Variants in GRK5 observed in about 807,000 individuals in gnomAD.
GRK5 encodes the protein G protein-coupled receptor kinase 5.
A neutral mutation model predicts 78.4 loss-of-function variants in GRK5; 40 were observed. That is an observed-to-expected ratio of 0.51 (90% CI 0.40 to 0.66). The LOEUF (loss-of-function observed/expected upper bound fraction) is 0.66. Ranked by LOEUF, GRK5 falls within the 30% of genes least tolerant of loss-of-function variation. The pLI, the probability that GRK5 is intolerant of heterozygous loss-of-function variation, is 0.00. For synonymous variants in GRK5, 289 were observed against 296.8 expected (o/e 0.97, Z 0.27); for missense variants, 598 against 759.9 (o/e 0.79, Z 2.50).
intron 12 of GRK5, among the ~76,000 whole-genome samples, chr10:119,447,074 TGGGGCACTGGGAGTGCAGGTCAGGGGCC>T (rs1490399200): frequency 1.3e-5 from 2 of 152,184 alleles, no homozygotes; most frequent in Non-Finnish European, 2.9e-5. Context: ...ATCACGAGGC[TGGGGCACTGGGAGTGCAGGTCAGGGGCC>T]GGGGCCCTGT....
chr10:119,395,365 T>G (rs185641724), intron 3 of GRK5, among the ~76,000 whole-genome samples: 242 of 152,304 alleles, frequency 1.6e-3, no homozygotes, highest in African/African-American at 5.5e-3. Context: ...CGTGCTCCCT[T>G]TGGCTGGCCT....
chr10:119,390,745 A>G (rs551950841), intron 3 of GRK5, among the ~76,000 whole-genome samples: 13 of 152,300 alleles, frequency 8.5e-5, no homozygotes, highest in Middle Eastern at 6.8e-3. Flanking sequence ...CTTATTCACT[A>G]TCCCGAGAAC....
At position 119,217,222 on chromosome 10, in the gene GRK5, T is replaced by C. The variant is rs1269659794; in HGVS notation, c.52+9253T>C. Among the ~76,000 whole-genome samples the C allele has an allele frequency of 6.6e-6, 1 of 152,126 alleles. No homozygotes were observed. The highest frequency in any genetic ancestry group is 2.4e-5 in the African/African-American group (1 of 41,432). On this transcript the variant is annotated intron_variant, in intron 1 of 15. Coordinates refer to ENST00000392870, the MANE Select transcript of GRK5 (RefSeq NM_005308.3). The surrounding 1 kb of genome is among the most constrained non-coding windows in gnomAD (Gnocchi z 4.1). ...CCTGGGAAAAGGGGCAAATTGGGAA[T>C]ATAATTTCTGTCTCAGACCGTGATT...
chr10:119,421,911 G>A (rs1852577239), intron 4 of GRK5, among the ~76,000 whole-genome samples: 1 of 152,210 alleles, frequency 6.6e-6, no homozygotes, highest in Non-Finnish European at 1.5e-5. Context: ...ATTCACCAAG[G>A]ACAGGCCAGC....
At chr10:119,394,374 GTC>G (rs1851977324) in intron 3 of GRK5, among the ~76,000 whole-genome samples, 3 of 14,622 alleles carry the variant, frequency 2.1e-4, no homozygotes, top group Non-Finnish European at 4.7e-4. Context: ...GTGTGTGGGT[GTC>G]GGTGTGTGTA....
At chr10:119,364,290 T>C (rs906349126) in intron 2 of GRK5, among the ~76,000 whole-genome samples, 2 of 152,134 alleles carry the variant, frequency 1.3e-5, no homozygotes, top group African/African-American at 4.8e-5. Context: ...GGGGTTCCCT[T>C]GGGGGTGGAG....
At chr10:119,248,944 T>A (rs1414934634) in intron 1 of GRK5, among the ~76,000 whole-genome samples, 2 of 152,130 alleles carry the variant, frequency 1.3e-5, no homozygotes, top group Non-Finnish European at 1.5e-5. Flanking sequence ...AAGTTACTAA[T>A]CTCTCCATGT....
intron 10 of GRK5, among the ~76,000 whole-genome samples, chr10:119,441,243 G>A (rs1853028610): frequency 2.0e-5 from 3 of 152,344 alleles, no homozygotes; most frequent in East Asian, 1.9e-4. Flanking sequence ...GAGTCCACAC[G>A]GCTCCAGCCT....
chr10:119,322,541 A>G (rs1158923194), intron 1 of GRK5, among the ~76,000 whole-genome samples: 1 of 152,228 alleles, frequency 6.6e-6, no homozygotes, highest in Non-Finnish European at 1.5e-5. Flanking sequence ...TGCTCAACAC[A>G]TATTGGTTGA....
chr10:119,436,931 T>C, intron 9 of GRK5, 90 bp downstream of exon 9: 1 of 1,228,790 alleles, frequency 8.1e-7, no homozygotes, highest in Non-Finnish European at 1.1e-6. Context: ...TTGCCATCGC[T>C]CTGGGAATCA....
intron 2 of GRK5, among the ~76,000 whole-genome samples, chr10:119,344,286 C>T (rs1851037180): frequency 1.3e-5 from 2 of 151,944 alleles, no homozygotes; most frequent in South Asian, 2.1e-4. Context: ...CCCATTAACT[C>T]GTCATTTACA....
chr10:119,218,342 A>C (rs1018762300), intron 1 of GRK5, among the ~76,000 whole-genome samples: 2 of 152,180 alleles, frequency 1.3e-5, no homozygotes, highest in Non-Finnish European at 2.9e-5. Context: ...AGGAGATAGA[A>C]TTACCCAACT....
At chr10:119,219,705 A>T (rs1292741452) in intron 1 of GRK5, among the ~76,000 whole-genome samples, 1 of 151,280 alleles carries the variant, frequency 6.6e-6, no homozygotes, top group Non-Finnish European at 1.5e-5. Context: ...TGTTTGGCAA[A>T]CTCCCCCTCC....
chr10:119,446,472 C>A (rs1408262631), intron 12 of GRK5, among the ~76,000 whole-genome samples: 1 of 149,986 alleles, frequency 6.7e-6, no homozygotes, highest in Non-Finnish European at 1.5e-5. Context: ...CCCAGCCCAC[C>A]CCTCGCCTTT....
At chr10:119,284,327 A>G (rs1374508325) in intron 1 of GRK5, among the ~76,000 whole-genome samples, 1 of 152,170 alleles carries the variant, frequency 6.6e-6, no homozygotes, top group African/African-American at 2.4e-5. Context: ...TCATTAATAT[A>G]AAAATCCTTT....
chr10:119,290,359 A>C (rs1304990911), intron 1 of GRK5, among the ~76,000 whole-genome samples: 14 of 142,476 alleles, frequency 9.8e-5, no homozygotes, highest in Non-Finnish European at 1.7e-4. Context: ...AAAAAAAAAA[A>C]AAAACAAAAA....
intron 1 of GRK5, among the ~76,000 whole-genome samples, chr10:119,281,582 G>A (rs1849763459): frequency 6.6e-6 from 1 of 152,158 alleles, no homozygotes; most frequent in South Asian, 2.1e-4. Context: ...CTCCTGTGGT[G>A]GCATCTTCTT....
Position 119,455,623 on chromosome 10 carries a change from C to T in GRK5, c.*556C>T, listed in dbSNP as rs1853390412. On this transcript the variant is annotated 3_prime_UTR_variant, in exon 16 of 16. Transcript: ENST00000392870. ...TAAATGTAGAAAGTGATCCATACTT[C>T]ACCTTTGAAGGATTGGTTGTATTTA... The T allele has an allele frequency of 3.5e-6, 1 of 281,902 alleles. No individual in the cohort carries two copies. Among genetic ancestry groups the T allele is most frequent in the Non-Finnish European group, 6.8e-6 (1 of 147,572 alleles). 17.5% of individuals were successfully genotyped at this position (281,902 alleles called of 1,614,324 possible).
chr10:119,310,685 A>G (rs1850343163), intron 1 of GRK5, among the ~76,000 whole-genome samples: 1 of 152,202 alleles, frequency 6.6e-6, no homozygotes, highest in African/African-American at 2.4e-5. Flanking sequence ...AAAGGAGGGA[A>G]GCCCCAGGCA....
Sources: gnomAD v4.1 joint callset for allele counts (sites outside exome capture counted in the v4.1 genomes callset) on GRCh38, gnomAD v4.1.1 for gene constraint, Gnocchi (gnomAD v3.1) non-coding constraint, MANE v1.5 for transcripts, NCBI Gene and HGNC (gene_info 2026-07-23, HGNC 2026-07-21) for gene names.